The following QARS1 variants were observed in gnomAD, a reference collection of about 807,000 sequenced individuals.
QARS1 encodes the protein glutamine--tRNA ligase.
QARS1 carries 79 observed loss-of-function variants against 106.9 expected under a neutral mutation model. That is an observed-to-expected ratio of 0.74 (90% CI 0.62 to 0.89). The LOEUF (loss-of-function observed/expected upper bound fraction) is 0.89. QARS1 is among the 40% of genes least tolerant of loss of function. The probability of loss-of-function intolerance (pLI) is 0.00; values close to 1 mark genes in which losing one functional copy is unlikely to be tolerated. For synonymous variants in QARS1, 395 were observed against 367.7 expected, an observed-to-expected ratio of 1.07 and a Z score of -0.85; for missense variants, 966 against 997.2, an observed-to-expected ratio of 0.97 and a Z score of 0.42.
chr3:49,103,765 C>CCA, intron 3 of QARS1, 59 bp from the exon 4 acceptor site: 1 of 1,602,370 alleles, frequency 6.2e-7, no homozygotes, highest in East Asian at 2.2e-5. Flanking sequence ...TTCTGGGAAC[C>CCA]CACACCCTCA....
chr3:49,104,461 G>A lies in QARS1; in HGVS notation c.128C>T (p.Thr43Ile), dbSNP rs550717519. ...LREAATQAQQ[T>I]LGSTIDKATG... ...AGCTTTGTCAATGGTGGAACCCAGG[G>A]TCTGCTGAGCCTGAGGTCAGAGGGG... The change falls in exon 2 of 24, where the codon ACC (threonine) becomes ATC (isoleucine). Residue 43 changes from threonine to isoleucine, a missense_variant. Coordinates refer to ENST00000306125, the MANE Select transcript of QARS1 (RefSeq NM_005051.3). The A allele has an allele frequency of 1.9e-6, 3 of 1,614,140 alleles. No homozygotes were observed. The highest frequency in any genetic ancestry group is 1.3e-5 in the African/African-American group (1 of 75,058).
At chr3:49,099,013 G>A in intron 18 of QARS1, 24 bp from the exon 19 acceptor site, 2 of 1,612,436 alleles carry the variant, frequency 1.2e-6, no homozygotes, top group Non-Finnish European at 1.7e-6. Flanking sequence ...CAGGAGACAG[G>A]TATGAGTCAT....
Position 49,104,404 on chromosome 3 carries a change from C to CG in QARS1, c.184dup (p.Arg62ProfsTer18), listed in dbSNP as rs753661295. On this transcript the variant is annotated frameshift_variant, in exon 2 of 24. Coordinates refer to ENST00000306125, the MANE Select transcript of QARS1 (RefSeq NM_005051.3). LOFTEE classifies it high-confidence loss of function. ...GGAGAGACGCCGGGTATCCCTGAGT[C>CG]GGGAGGCCAAGCCATATAACAGGAT... is the stretch of plus-strand genomic sequence containing the variant. The CG allele has an allele frequency of 6.2e-7, 1 of 1,614,188 alleles. No homozygotes were observed. Among genetic ancestry groups the CG allele is most frequent in the Non-Finnish European group, 8.5e-7 (1 of 1,180,038 alleles).
chr3:49,101,467 GAAAT>G lies in QARS1; in HGVS notation c.790-30_790-27del, dbSNP rs368581879. 333 of 1,598,308 alleles carry G rather than the reference GAAAT, an allele frequency of 2.1e-4. 1 individual carries two copies. In the South Asian group the frequency reaches 3.1e-3, roughly 15 times the overall value. ...CTAAAATAAGGGGGATGGGAAAAGA[GAAAT>G]AAAGTCTGAGCTCAGATGACCTTAA... is the stretch of plus-strand genomic sequence containing the variant. On this transcript the variant is annotated intron_variant, in intron 9 of 23. Coordinates refer to ENST00000306125, the MANE Select transcript of QARS1 (RefSeq NM_005051.3).
Position 49,096,055 on chromosome 3 carries a change from G to T in QARS1, c.2302C>A (p.Leu768Met). 2 of 1,613,946 alleles carry T rather than the reference G, an allele frequency of 1.2e-6. No individual in the cohort carries two copies. Among genetic ancestry groups the T allele is most frequent in the Admixed American group, 1.7e-5 (1 of 59,996 alleles). ...GKLVFNRTVT[L>M]KEDPGKV is the part of the protein sequence containing the mutation. ...CACACCTTTCCTGGGTCTTCCTTCA[G>T]TGTGACAGTTCGGTTAAAGACAAGC... Residue 768 changes from leucine to methionine, a missense_variant, in exon 24 of 24, where the codon CTG becomes ATG. Transcript: ENST00000306125.
rs1362208293 is a variant in QARS1 at position 49,104,375 on chromosome 3, G to A, written c.214C>T (p.Leu72Phe). Residue 72 changes from leucine to phenylalanine, a missense_variant, in exon 2 of 24, where the codon CTT (leucine) becomes TTT (phenylalanine). By Grantham distance (22) the Leu-to-Phe change is conservative. Coordinates refer to ENST00000306125, the MANE Select transcript of QARS1 (RefSeq NM_005051.3). The part of the protein sequence containing the change: ...RLRDTRRLSF[L>F]VSYIASKKIH... Reference sequence around the variant, plus strand: ...TTCTTACTGGCTATGTAGCTTACAAGGAAGGAGAGACGCCGGGTATCCCTG... The same window carrying A: ...TTCTTACTGGCTATGTAGCTTACAAAGAAGGAGAGACGCCGGGTATCCCTG... 6 of 1,614,146 alleles carry A rather than the reference G, an allele frequency of 3.7e-6. No homozygotes were observed.
chr3:49,100,179 T>C lies in QARS1; in HGVS notation c.1164+11A>G. The C allele has an allele frequency of 1.9e-6, 3 of 1,614,200 alleles. No individual in the cohort carries two copies. Among genetic ancestry groups the C allele is most frequent in the Non-Finnish European group, 2.5e-6 (3 of 1,180,010 alleles). ...GCCCACCCAAACCCAGATGCTCCTC[T>C]AGGACCCCACCTCAAAGAGCAGCAG... On this transcript the variant is annotated intron_variant, in intron 13 of 23. Coordinates refer to ENST00000306125, the MANE Select transcript of QARS1 (RefSeq NM_005051.3).
Position 49,099,106 on chromosome 3 carries a change from C to T in QARS1, c.1758+4G>A, listed in dbSNP as rs773812510. The T allele has an allele frequency of 6.2e-7, 1 of 1,614,134 alleles. No individual in the cohort carries two copies. Among genetic ancestry groups the T allele is most frequent in the African/African-American group, 1.3e-5 (1 of 75,030 alleles). The stretch of plus-strand genomic sequence containing the variant: ...ATGTGACACACATGTTGAGGCAGGC[C>T]CACCTTGGCAGCAGGAAAGTTGGTG... On this transcript the variant is annotated splice_donor_region_variant and intron_variant, in intron 18 of 23. Transcript: ENST00000306125.
intron 5 of QARS1, among the ~76,000 whole-genome samples, chr3:49,102,984 G>A (rs1035477710): frequency 1.2e-4 from 17 of 146,652 alleles, no homozygotes; most frequent in African/African-American, 4.3e-4. Context: ...TTGAGACAGG[G>A]TCTCATTCTG....
At chr3:49,098,516 G>A (rs756075510) in intron 20 of QARS1, 36 bp from the exon 21 acceptor site, 55 of 1,613,564 alleles carry the variant, frequency 3.4e-5, no homozygotes, top group East Asian at 1.8e-4. Flanking sequence ...AATTAGACCC[G>A]GGAACCACAA....
intron 6 of QARS1, 57 bp downstream of exon 6, chr3:49,102,362 G>A: frequency 1.2e-6 from 2 of 1,612,778 alleles, no homozygotes; most frequent in East Asian, 2.2e-5. Flanking sequence ...TCCCCAGCCT[G>A]AAGTCTCACC....
rs527864842 is a variant in QARS1 at position 49,098,060 on chromosome 3, G to T, written c.2209C>A (p.Pro737Thr). Residue 737 changes from proline (P) to threonine (T), a missense_variant, in exon 23 of 24, where the codon CCC becomes ACC. Coordinates refer to ENST00000306125, the MANE Select transcript of QARS1 (RefSeq NM_005051.3). Reference protein sequence around the residue: ...LVDCSVALAKPFDKFQFERLG... With the variant: ...LVDCSVALAKTFDKFQFERLG... ...CGCTCAAACTGGAACTTGTCGAAGGGTTTTGCCAGGGCCACAGAGCAGTCC... is the reference window on the plus strand; with the variant it reads ...CGCTCAAACTGGAACTTGTCGAAGGTTTTTGCCAGGGCCACAGAGCAGTCC... 26 of 1,614,196 alleles carry T rather than the reference G, an allele frequency of 1.6e-5. No homozygotes were observed. Among genetic ancestry groups the T allele is most frequent in the Non-Finnish European group, 2.1e-5 (25 of 1,180,050 alleles).
chr3:49,096,928 T>C (rs1575397697), intron 23 of QARS1, among the ~76,000 whole-genome samples: 1 of 128,024 alleles, frequency 7.8e-6, no homozygotes, highest in Non-Finnish European at 1.6e-5. Flanking sequence ...GAGGTTGCAG[T>C]GGGCCGAGAT....
chr3:49,098,434 G>C lies in QARS1; in HGVS notation c.2003C>G (p.Ala668Gly). 4 of 1,614,174 alleles carry C rather than the reference G, an allele frequency of 2.5e-6. No homozygotes were observed. The highest frequency in any genetic ancestry group is 3.4e-6 in the Non-Finnish European group (4 of 1,180,042). Residue 668 changes from alanine (A) to glycine (G), a missense_variant, in exon 21 of 24, where the codon GCA (alanine) becomes GGA (glycine). Transcript: ENST00000306125. ...GGCCTTTGGCTTCTCTCCAGCATCTGCCCGTCTGCAGGTCACCTCCAGACT... is the reference window on the plus strand; with the variant it reads ...GGCCTTTGGCTTCTCTCCAGCATCTCCCCGTCTGCAGGTCACCTCCAGACT... ...VESLEVTCRR[A>G]DAGEKPKAFI...
chr3:49,099,925 C>G (rs202110185), intron 14 of QARS1, 36 bp downstream of exon 14: 1 of 1,613,748 alleles, frequency 6.2e-7, no homozygotes, highest in Admixed American at 1.7e-5. Flanking sequence ...TCGCCCTGCT[C>G]GGCAGCCCCA....
In QARS1 at chr3:49,101,813, G is replaced by A. The variant is rs747697693; in HGVS notation, c.703+15C>T. ...AAGATCCAGCCCTCCCCAGGGTTTT[G>A]ACATGCCCACTAACCAGGCTTGTGG... On this transcript the variant is annotated intron_variant, in intron 8 of 23. Transcript: ENST00000306125. 1.9e-6 allele frequency: 3 copies of A among 1,610,714 alleles called. No homozygotes were observed. Among genetic ancestry groups the A allele is most frequent in the Admixed American group, 3.4e-5 (2 of 59,508 alleles).
Position 49,100,462 on chromosome 3 carries a change from G to C in QARS1, c.977-4C>G, listed in dbSNP as rs745546682. 6.2e-7 allele frequency: 1 copy of C among 1,613,974 alleles called. No homozygotes were observed. Among genetic ancestry groups the C allele is most frequent in the Non-Finnish European group, 8.5e-7 (1 of 1,179,956 alleles). On this transcript the variant is annotated splice_region_variant and splice_polypyrimidine_tract_variant and intron_variant, in intron 11 of 23. Transcript: ENST00000306125. Reference sequence around the variant, plus strand: ...GTGACTTTGTAAGGTGTGTAGCCTGGGGCAAAATGAAACAAAGTATGAGCA... The same window carrying C: ...GTGACTTTGTAAGGTGTGTAGCCTGCGGCAAAATGAAACAAAGTATGAGCA...
chr3:49,101,676 C>T lies in QARS1; in HGVS notation c.733G>A (p.Val245Ile), dbSNP rs2042472939. 1 of 1,613,924 alleles carries T rather than the reference C, an allele frequency of 6.2e-7. No homozygotes were observed. Among genetic ancestry groups the T allele is most frequent in the African/African-American group, 1.3e-5 (1 of 74,886 alleles). The change falls in exon 9 of 24, where the codon GTC becomes ATC. Residue 245 changes from valine to isoleucine, a missense_variant. Val to Ile is a conservative substitution (Grantham distance 29, BLOSUM62 3). Transcript: ENST00000306125. ...AGTAGATTCATGGTGTGTGGAGTGA[C>T]CACATAGCCTGGGGTCTTGTAGTTC... is the stretch of plus-strand genomic sequence containing the variant. ...GENYKTPGYV[V>I]TPHTMNLLKQ...
At chr3:49,104,503 G>A (rs200290573) in intron 1 of QARS1, 32 bp from the exon 2 acceptor site, 4 of 1,611,686 alleles carry the variant, frequency 2.5e-6, no homozygotes, top group African/African-American at 1.3e-5. Flanking sequence ...GAGAAGCCCC[G>A]CGCTCAGTGA....
Sources: gnomAD v4.1 joint callset for allele counts (sites outside exome capture counted in the v4.1 genomes callset) on GRCh38, gnomAD v4.1.1 for gene constraint, MANE v1.5 for transcripts, NCBI Gene and HGNC (gene_info 2026-07-23, HGNC 2026-07-21) for gene names.